The following LUZP1 variants were observed in gnomAD, a reference collection of about 807,000 sequenced individuals.
LUZP1 encodes filamin mechanobinding actin cross-linking protein.
In LUZP1, 25 loss-of-function variants were observed where a neutral mutation model predicts 71.3. The observed-to-expected ratio is 0.35, with a 90% CI of 0.26 to 0.49. LUZP1 has a LOEUF of 0.49. Ranked by LOEUF, LUZP1 falls within the 20% of genes least tolerant of loss-of-function variation. LUZP1 has a pLI of 0.99. For missense variants in LUZP1, 1,142 were observed against 1,300.8 expected (o/e 0.88, Z 1.88); for synonymous variants, 481 against 506.4 (o/e 0.95, Z 0.67).
chr1:23,170,992 T>C (rs1644549014), intron 1 of LUZP1, among the ~76,000 whole-genome samples: 1 of 151,298 alleles, frequency 6.6e-6, no homozygotes, highest in African/African-American at 2.4e-5. Flanking sequence ...CAGGAGGCTG[T>C]GGTGGGAGGA....
At chr1:23,112,743 C>T (rs536247418) in intron 2 of LUZP1, among the ~76,000 whole-genome samples, 2 of 152,174 alleles carry the variant, frequency 1.3e-5, no homozygotes, top group Admixed American at 6.5e-5. Context: ...GCTGAAGTTC[C>T]AATCAAAAAA....
intron 2 of LUZP1, among the ~76,000 whole-genome samples, chr1:23,112,783 T>C (rs1282466075): frequency 1.3e-5 from 2 of 151,874 alleles, no homozygotes; most frequent in African/African-American, 4.8e-5. Flanking sequence ...CCTGAAGAAA[T>C]AGCCCAGAGC....
intron 2 of LUZP1, among the ~76,000 whole-genome samples, chr1:23,153,340 A>G (rs923019547): frequency 1.3e-5 from 2 of 152,170 alleles, no homozygotes; most frequent in Non-Finnish European, 2.9e-5. Flanking sequence ...TTTCTCAAAT[A>G]CAAAAGAAAA....
intron 2 of LUZP1, among the ~76,000 whole-genome samples, chr1:23,154,709 A>ATTTTTTTTTT (rs1191570803): frequency 2.4e-5 from 3 of 125,632 alleles, no homozygotes; most frequent in African/African-American, 3.1e-5. Context: ...CACCTGGCTA[A>ATTTTTTTTTT]TTTTTTTTTT....
chr1:23,093,368 A>C lies in LUZP1; in HGVS notation c.894T>G (p.Leu298=). 1 of 1,613,442 alleles carries C rather than the reference A, an allele frequency of 6.2e-7. No individual in the cohort carries two copies. Among genetic ancestry groups the C allele is most frequent in the South Asian group, 1.1e-5 (1 of 90,786 alleles). ...ATTCAAAGTGTTTGATTTGTGTCTT[A>C]AGTTTCTCAATCTCTTGGTTAAGGT... is the stretch of plus-strand genomic sequence containing the variant. Residue 298 remains leucine, a synonymous_variant, in exon 4 of 5, where the codon CTT becomes CTG. Transcript: ENST00000302291. The surrounding 1 kb of genome is among the most constrained non-coding windows in gnomAD (Gnocchi z 4.2).
intron 1 of LUZP1, among the ~76,000 whole-genome samples, chr1:23,173,993 T>G (rs1644568766): frequency 6.6e-6 from 1 of 152,118 alleles, no homozygotes; most frequent in Middle Eastern, 3.2e-3. Context: ...GAGAATTTTT[T>G]TTTGTCCCTG....
rs954113638 is a variant in LUZP1, at chr1:23,093,585, C to T, written c.677G>A (p.Arg226Gln). 26 of 1,613,552 alleles carry T rather than the reference C, an allele frequency of 1.6e-5. No homozygotes were observed. Among genetic ancestry groups the T allele is most frequent in the African/African-American group, 6.7e-5 (5 of 74,862 alleles). The change falls in exon 4 of 5, where the codon CGA becomes CAA. Residue 226 changes from arginine to glutamine, a missense_variant. Transcript: ENST00000302291. The surrounding 1 kb of genome is among the most constrained non-coding windows in gnomAD (Gnocchi z 4.2). Reference sequence around the variant, plus strand: ...ATTAGAAGCATTCCTTGTATAATCTCGGTTCATTTTTTTGTTCTGCTCTAG... The same window carrying T: ...ATTAGAAGCATTCCTTGTATAATCTTGGTTCATTTTTTTGTTCTGCTCTAG...
chr1:23,158,879 A>ATG, intron 2 of LUZP1, among the ~76,000 whole-genome samples: 1 of 151,032 alleles, frequency 6.6e-6, no homozygotes, highest in South Asian at 2.1e-4. Flanking sequence ...AGGCAGGAGA[A>ATG]GCCCTTGAAC....
At chr1:23,140,325 T>G (rs1225920364) in intron 2 of LUZP1, 1 of 152,088 alleles carries the variant, frequency 6.6e-6, no homozygotes, top group Admixed American at 6.5e-5. Context: ...GTAATACACA[T>G]ATTACACTTA....
downstream of LUZP1, chr1:23,083,644 TTTG>T (rs1381469907): frequency 4.7e-5 from 10 of 211,932 alleles, no homozygotes; most frequent in East Asian, 6.0e-4. Flanking sequence ...GTGTGGGGTT[TTTG>T]TTTTTTTTTT....
At chr1:23,166,653 CAAAAA>C (rs538327046) in intron 2 of LUZP1, among the ~76,000 whole-genome samples, 16,987 of 70,514 alleles carry the variant, frequency 0.24, 980 homozygotes, top group East Asian at 0.37. Flanking sequence ...CACTCCGTCT[CAAAAA>C]AAAAAAAAAA....
chr1:23,139,183 T>A (rs979827190), intron 2 of LUZP1, among the ~76,000 whole-genome samples: 3 of 150,696 alleles, frequency 2.0e-5, no homozygotes, highest in African/African-American at 7.3e-5. Context: ...ATGCCCTCTC[T>A]GGTTGGAAAA....
chr1:23,089,094 A>C, intron 4 of LUZP1, 41 bp from the exon 4 acceptor site: 7 of 1,601,380 alleles, frequency 4.4e-6, no homozygotes, highest in Non-Finnish European at 6.0e-6. Flanking sequence ...GGAGGTCAGT[A>C]AAGTGAGGAC....
In LUZP1 at chr1:23,137,641, CA is replaced by C. The variant is rs879363877; in HGVS notation, c.-225-28515del. Among the ~76,000 whole-genome samples, 32 of 141,526 alleles carry C rather than the reference CA, an allele frequency of 2.3e-4. No homozygotes were observed. In the East Asian group the frequency reaches 2.7e-3, roughly 12 times the overall value. The allele number at this position is 141,526 out of a possible 152,430, so 92.8% of individuals were successfully genotyped here. On this transcript the variant is annotated intron_variant, in intron 2 of 4. Coordinates refer to ENST00000302291, the Ensembl canonical transcript of LUZP1. Reference sequence around the variant, plus strand: ...GGGCGACAAGAGTGAAACTCCATCTCAAAAAAAAAAATGAGATGACACTTCA... The same window carrying C: ...GGGCGACAAGAGTGAAACTCCATCTCAAAAAAAAAATGAGATGACACTTCA...
intron 2 of LUZP1, among the ~76,000 whole-genome samples, chr1:23,117,863 G>A (rs954026911): frequency 2.6e-5 from 4 of 152,094 alleles, no homozygotes; most frequent in Admixed American, 6.6e-5. Context: ...AGGCCGAGGC[G>A]GGCAGATCAC....
At chr1:23,172,689 A>G (rs1012375182) in intron 1 of LUZP1, among the ~76,000 whole-genome samples, 1 of 151,566 alleles carries the variant, frequency 6.6e-6, no homozygotes, top group Non-Finnish European at 1.5e-5. Flanking sequence ...TAATTTTTGT[A>G]TTTTTAGTAG....
At chr1:23,131,759 C>T (rs1644217352) in intron 2 of LUZP1, among the ~76,000 whole-genome samples, 1 of 152,168 alleles carries the variant, frequency 6.6e-6, no homozygotes, top group Non-Finnish European at 1.5e-5. Context: ...GATCTCGGCT[C>T]ACCGCAACCT....
chr1:23,145,851 T>C (rs765171193), intron 2 of LUZP1, among the ~76,000 whole-genome samples: 1 of 152,154 alleles, frequency 6.6e-6, no homozygotes, highest in African/African-American at 2.4e-5. Flanking sequence ...TATTATATGG[T>C]AGAGCTGGAA....
At chr1:23,095,741 G>A (rs547245512) in intron 3 of LUZP1, among the ~76,000 whole-genome samples, 23 of 152,226 alleles carry the variant, frequency 1.5e-4, no homozygotes, top group Non-Finnish European at 2.8e-4. Context: ...GTTAAAGGAG[G>A]ATTATCCCTA....
Sources: allele counts gnomAD v4.1 joint callset (sites outside exome capture counted in the v4.1 genomes callset), GRCh38; gene constraint gnomAD v4.1.1; non-coding constraint Gnocchi (gnomAD v3.1); transcripts MANE v1.5; gene names NCBI Gene and HGNC (gene_info 2026-07-23, HGNC 2026-07-21).